The following MYL12B variants were observed in gnomAD, a reference collection of about 807,000 sequenced individuals.
MYL12B encodes the protein myosin regulatory light chain 12B.
A neutral mutation model predicts 12.9 loss-of-function variants in MYL12B; 3 were observed. That is an observed-to-expected ratio of 0.23 (90% CI 0.11 to 0.60). MYL12B has a LOEUF of 0.60. MYL12B is among the 20% of genes least tolerant of loss of function. MYL12B has a pLI of 0.89. For synonymous variants in MYL12B, 57 were observed against 71.9 expected, an observed-to-expected ratio of 0.79 and a Z score of 1.05; for missense variants, 120 against 215.4, an observed-to-expected ratio of 0.56 and a Z score of 2.77.
At chr18:3,273,850 G>GTTTT (rs112632898) in intron 2 of MYL12B, among the ~76,000 whole-genome samples, 46,810 of 88,896 alleles carry the variant, frequency 0.53, 8,904 homozygotes, top group African/African-American at 0.62. Context: ...AAGAGGTGGG[G>GTTTT]GTTTTTTTTT....
chr18:3,268,543 C>CA (rs1346146177), intron 1 of MYL12B, among the ~76,000 whole-genome samples: 1 of 152,196 alleles, frequency 6.6e-6, no homozygotes, highest in Non-Finnish European at 1.5e-5. Flanking sequence ...GAGTGCCACT[C>CA]ACATTTCATT....
At chr18:3,262,380 G>C (rs2081599066) in intron 1 of MYL12B, 143 bp downstream of exon 1, 1 of 152,320 alleles carries the variant, frequency 6.6e-6, no homozygotes, top group African/African-American at 2.4e-5. Flanking sequence ...GGCTGAGAAG[G>C]GGGCGCGGGG....
At chr18:3,264,163 C>T (rs757872231) in intron 1 of MYL12B, among the ~76,000 whole-genome samples, 4 of 152,026 alleles carry the variant, frequency 2.6e-5, no homozygotes, top group African/African-American at 7.3e-5. Context: ...ATAGGTAGAC[C>T]GTAGAGAAAA....
intron 2 of MYL12B, among the ~76,000 whole-genome samples, chr18:3,276,074 A>T (rs1156682260): frequency 6.6e-6 from 1 of 152,054 alleles, no homozygotes. Flanking sequence ...TTCCTTAGAT[A>T]TGAATATCTG....
chr18:3,267,977 G>A (rs148362510), intron 1 of MYL12B, among the ~76,000 whole-genome samples: 1 of 152,058 alleles, frequency 6.6e-6, no homozygotes, highest in Non-Finnish European at 1.5e-5. Context: ...ATAAATAGTT[G>A]TTATAGTGTA....
At chr18:3,273,324 T>G (rs2081698734) in intron 2 of MYL12B, among the ~76,000 whole-genome samples, 1 of 152,122 alleles carries the variant, frequency 6.6e-6, no homozygotes, top group South Asian at 2.1e-4. Flanking sequence ...CTAAATTTTT[T>G]AGGTCTCTAG....
chr18:3,276,220 A>C (rs1041897648), intron 2 of MYL12B, among the ~76,000 whole-genome samples: 2 of 150,534 alleles, frequency 1.3e-5, no homozygotes, highest in Admixed American at 1.3e-4. Flanking sequence ...GCACTGAACG[A>C]AGGATCTGGA....
rs2081748953 is a variant in MYL12B, at chr18:3,278,095, A to G, written c.*158A>G. On this transcript the variant is annotated 3_prime_UTR_variant, in exon 4 of 4. Coordinates refer to ENST00000237500, the MANE Select transcript of MYL12B (RefSeq NM_033546.4). ...ATTCCAGACCTTTCTGCCACTTAGCACTTGTATAATCAGACTGGAAATGGG... is the reference window on the plus strand; with the variant it reads ...ATTCCAGACCTTTCTGCCACTTAGCGCTTGTATAATCAGACTGGAAATGGG... 2.4e-6 allele frequency: 2 copies of G among 837,208 alleles called. No individual in the cohort carries two copies. Among genetic ancestry groups the G allele is most frequent in the African/African-American group, 1.8e-5 (1 of 56,302 alleles). The allele number at this position is 837,208 out of a possible 1,614,324, so 51.9% of individuals were successfully genotyped here.
At chr18:3,267,012 A>G (rs1389070602) in intron 1 of MYL12B, among the ~76,000 whole-genome samples, 1 of 152,218 alleles carries the variant, frequency 6.6e-6, no homozygotes, top group Non-Finnish European at 1.5e-5. Flanking sequence ...TTGAAAAACT[A>G]AGGGGAACTA....
At chr18:3,265,053 T>A (rs2081625645) in intron 1 of MYL12B, among the ~76,000 whole-genome samples, 1 of 152,152 alleles carries the variant, frequency 6.6e-6, no homozygotes, top group South Asian at 2.1e-4. Flanking sequence ...AGAAATGTCA[T>A]TGTTATAATG....
chr18:3,273,115 T>C (rs1281851404), intron 2 of MYL12B, 33 bp downstream of exon 2: 54 of 1,520,408 alleles, frequency 3.6e-5, no homozygotes, highest in Non-Finnish European at 4.7e-5. Flanking sequence ...GTATTTTCCC[T>C]AAAATAATAA....
At chr18:3,262,316 C>G (rs1193678622) in intron 1 of MYL12B, 79 bp downstream of exon 1, 1 of 152,202 alleles carries the variant, frequency 6.6e-6, no homozygotes, top group African/African-American at 2.4e-5. Flanking sequence ...CGTCGCGCGC[C>G]TGCGGCCGGA....
chr18:3,268,869 A>G (rs888554841), intron 1 of MYL12B, among the ~76,000 whole-genome samples: 2 of 152,172 alleles, frequency 1.3e-5, no homozygotes, highest in Non-Finnish European at 2.9e-5. Flanking sequence ...TTCATTTGGC[A>G]GGTGGGCATG....
chr18:3,265,155 TA>T (rs902731353), intron 1 of MYL12B, among the ~76,000 whole-genome samples: 10 of 151,956 alleles, frequency 6.6e-5, no homozygotes, highest in East Asian at 1.9e-4. Flanking sequence ...TTTGGCTCCC[TA>T]AAAAAAATAC....
At chr18:3,276,321 T>C (rs2081730973) in intron 2 of MYL12B, 1 of 498,368 alleles carries the variant, frequency 2.0e-6, no homozygotes, top group African/African-American at 2.1e-5. Context: ...TCCAGATCCT[T>C]GGTTCAGTGC....
intron 2 of MYL12B, among the ~76,000 whole-genome samples, chr18:3,274,977 A>G (rs1328796129): frequency 6.6e-6 from 1 of 152,172 alleles, no homozygotes; most frequent in East Asian, 1.9e-4. Context: ...ATACCCCCAA[A>G]AAAGGAAATC....
intron 1 of MYL12B, chr18:3,262,565 C>T (rs548611067): frequency 3.9e-5 from 6 of 152,450 alleles, no homozygotes; most frequent in Middle Eastern, 3.4e-3. Flanking sequence ...ACCTGGGTGA[C>T]CTCAGACACC....
intron 1 of MYL12B, chr18:3,262,889 G>C (rs962971021): frequency 9.2e-5 from 14 of 152,250 alleles, no homozygotes; most frequent in Non-Finnish European, 1.3e-4. Context: ...TAGTTTATTC[G>C]TGTTGATTGA....
chr18:3,277,099 A>G (rs1311868702), intron 2 of MYL12B, 154 bp from the exon 3 acceptor site: 3 of 927,350 alleles, frequency 3.2e-6, no homozygotes, highest in Non-Finnish European at 3.9e-6. Context: ...TAAGTTGTCA[A>G]AAATAATCTT....
Sources: allele counts gnomAD v4.1 joint callset (sites outside exome capture counted in the v4.1 genomes callset), GRCh38; gene constraint gnomAD v4.1.1; transcripts MANE v1.5; gene names NCBI Gene and HGNC (gene_info 2026-07-23, HGNC 2026-07-21).